Variants in FAM120A observed in about 807,000 individuals in gnomAD.
FAM120A encodes the protein family with sequence similarity 120 member A.
A neutral mutation model predicts 109.7 loss-of-function variants in FAM120A; 15 were observed. The ratio of observed to expected loss-of-function variants is 0.14; its 90% CI spans 0.09 to 0.21. FAM120A has a LOEUF of 0.21. Among genes scored for constraint, FAM120A ranks in the 10% least tolerant of loss-of-function variants. FAM120A has a pLI of 1.00. For synonymous variants in FAM120A, 493 were observed against 572.8 expected (o/e 0.86, Z 1.99); for missense variants, 899 against 1,439.3 (o/e 0.62, Z 6.07).
intron 5 of FAM120A, among the ~76,000 whole-genome samples, chr9:93,503,455 T>C (rs1859893276): frequency 6.6e-6 from 1 of 152,054 alleles, no homozygotes; most frequent in Admixed American, 6.5e-5. Context: ...TAAGTACATA[T>C]CACTAAGTGA....
At chr9:93,542,357 T>C (rs935010468) in intron 10 of FAM120A, among the ~76,000 whole-genome samples, 4 of 152,226 alleles carry the variant, frequency 2.6e-5, no homozygotes, top group Non-Finnish European at 4.4e-5. Flanking sequence ...GTGCAGTTGA[T>C]GAGATTTTAA....
At chr9:93,462,843 T>G (rs1420416445) in intron 1 of FAM120A, among the ~76,000 whole-genome samples, 3 of 152,218 alleles carry the variant, frequency 2.0e-5, no homozygotes, top group Admixed American at 2.0e-4. Flanking sequence ...TCAAGGTTCA[T>G]ACATGTTGTA....
intron 1 of FAM120A, 30 bp from the exon 2 acceptor site, chr9:93,471,111 A>G (rs1858291665): frequency 6.2e-7 from 1 of 1,612,820 alleles, no homozygotes; most frequent in African/African-American, 1.3e-5. Context: ...GTTACCCTAC[A>G]TCTGATGAAG....
chr9:93,481,111 T>C (rs1858785023), intron 3 of FAM120A, among the ~76,000 whole-genome samples: 1 of 152,246 alleles, frequency 6.6e-6, no homozygotes, highest in African/African-American at 2.4e-5. Flanking sequence ...TTAGTGAGCC[T>C]GTGGGTGCCC....
At position 93,558,674 on chromosome 9, in the gene FAM120A, C is replaced by G. The variant is rs575245681; in HGVS notation, c.2762C>G (p.Ala921Gly). The G allele has an allele frequency of 1.1e-5, 17 of 1,614,026 alleles. No homozygotes were observed. Among genetic ancestry groups the G allele is most frequent in the Admixed American group, 1.7e-5 (1 of 60,014 alleles). ...RVAAASGHCG[A>G]FSGSDSSRTS... ...GCGGCAGCATCGGGACACTGCGGAG[C>G]CTTCTCAGGCAGTGACAGCAGCAGG... Residue 921 changes from alanine (A) to glycine (G), a missense_variant, in exon 15 of 18, where the codon GCC becomes GGC. Transcript: ENST00000277165.
At chr9:93,544,217 A>G (rs1372673149) in intron 11 of FAM120A, among the ~76,000 whole-genome samples, 2 of 152,188 alleles carry the variant, frequency 1.3e-5, no homozygotes, top group Non-Finnish European at 2.9e-5. Context: ...CGTGTGACAC[A>G]CACCATCCTC....
At chr9:93,486,167 G>A (rs1238697953) in intron 3 of FAM120A, among the ~76,000 whole-genome samples, 1 of 151,744 alleles carries the variant, frequency 6.6e-6, no homozygotes, top group Non-Finnish European at 1.5e-5. Flanking sequence ...TAGAGACAGG[G>A]TTTCACCATG....
intron 13 of FAM120A, among the ~76,000 whole-genome samples, chr9:93,557,231 G>T (rs1862316932): frequency 6.7e-6 from 1 of 148,566 alleles, no homozygotes; most frequent in Non-Finnish European, 1.5e-5. Context: ...CCAGGTTCAA[G>T]TGATTCTCCT....
rs913636758 is a variant in FAM120A at position 93,453,684 on chromosome 9, C to G, written c.474+1295C>G. On this transcript the variant is annotated intron_variant, in intron 1 of 17. Transcript: ENST00000277165. ...GGCAGAGTCCCGATTGGCCCCTGCGCCTGGCAGACACACAGCTGCCATTCC... is the reference window on the plus strand; with the variant it reads ...GGCAGAGTCCCGATTGGCCCCTGCGGCTGGCAGACACACAGCTGCCATTCC... The G allele has an allele frequency of 5.3e-6, 5 of 946,608 alleles. No homozygotes were observed. In the South Asian group the frequency reaches 2.4e-4, roughly 46 times the overall value. 58.6% of individuals were successfully genotyped at this position (946,608 alleles called of 1,614,324 possible).
rs1288841075 is a variant in FAM120A at position 93,532,366 on chromosome 9, G to A, written c.1909+37G>A. 6.2e-6 allele frequency: 10 copies of A among 1,604,122 alleles called. 1 individual carries two copies. In the Admixed American group the frequency reaches 1.5e-4, roughly 24 times the overall value. On this transcript the variant is annotated intron_variant, in intron 10 of 17. Transcript: ENST00000277165. This position sits in a 1 kb window ranked among gnomAD's most constrained non-coding sequence, Gnocchi z 4.3. ...AACAATCCATTGTTTGTTTTCCTCGGTACCTCGTAATCTCTTGTGCATTTT... is the reference window on the plus strand; with the variant it reads ...AACAATCCATTGTTTGTTTTCCTCGATACCTCGTAATCTCTTGTGCATTTT...
intron 9 of FAM120A, chr9:93,530,019 T>C (rs1479530678): frequency 3.4e-6 from 1 of 297,916 alleles, no homozygotes; most frequent in Admixed American, 4.8e-5. Context: ...TAGTGCTTCA[T>C]GTGTTTTGAC....
At chr9:93,470,919 A>G (rs1187984017) in intron 1 of FAM120A, among the ~76,000 whole-genome samples, 1 of 152,234 alleles carries the variant, frequency 6.6e-6, no homozygotes, top group Non-Finnish European at 1.5e-5. Flanking sequence ...AGATGGGATC[A>G]TAAGTTACTG....
chr9:93,457,482 A>G (rs751189896), intron 1 of FAM120A, among the ~76,000 whole-genome samples: 1 of 152,096 alleles, frequency 6.6e-6, no homozygotes, highest in Non-Finnish European at 1.5e-5. Flanking sequence ...CTATACTTAG[A>G]GCTCTAAGTC....
rs567670613 is a variant in FAM120A at position 93,541,769 on chromosome 9, T to C, written c.1910-1453T>C. 1.2e-4 allele frequency among the ~76,000 whole-genome samples: 19 copies of C among 152,244 alleles called. No homozygotes were observed. In the East Asian group the frequency reaches 3.7e-3, roughly 29 times the overall value. ...TCACGTAAGGGGACACTATCTGGAG[T>C]TGGCTCCAGAAGGGCTTGTCACAGA... On this transcript the variant is annotated intron_variant, in intron 10 of 17. Coordinates refer to ENST00000277165, the MANE Select transcript of FAM120A (RefSeq NM_014612.5).
rs779549946 is a variant in FAM120A, at chr9:93,452,746, C to G, written c.474+357C>G. On this transcript the variant is annotated intron_variant, in intron 1 of 17. Coordinates refer to ENST00000277165, the MANE Select transcript of FAM120A (RefSeq NM_014612.5). The surrounding 1 kb of genome is among the most constrained non-coding windows in gnomAD (Gnocchi z 7.0). ...CGGGCAGGCTATCACTCACCTTCAA[C>G]TTTGACAAAATACTCCCTTTTCTAA... The G allele has an allele frequency of 1.9e-6, 3 of 1,597,270 alleles. No individual in the cohort carries two copies.
intron 3 of FAM120A, among the ~76,000 whole-genome samples, chr9:93,479,035 C>A (rs1047355758): frequency 9.2e-5 from 13 of 140,706 alleles, no homozygotes; most frequent in Admixed American, 1.4e-4. Context: ...CTGAAATATT[C>A]TTTGTGTTTT....
intron 3 of FAM120A, among the ~76,000 whole-genome samples, chr9:93,477,083 G>A (rs2131279309): frequency 6.6e-6 from 1 of 152,276 alleles, no homozygotes; most frequent in East Asian, 1.9e-4. Context: ...CCTAGACTTT[G>A]TATCTGCTTC....
At chr9:93,550,373 T>A (rs1239299001) in intron 11 of FAM120A, among the ~76,000 whole-genome samples, 1 of 152,262 alleles carries the variant, frequency 6.6e-6, no homozygotes, top group Non-Finnish European at 1.5e-5. Context: ...TTAATTATTC[T>A]AAAGTAAAAC....
chr9:93,510,090 C>G (rs1315443464), intron 5 of FAM120A, among the ~76,000 whole-genome samples: 2 of 152,204 alleles, frequency 1.3e-5, no homozygotes, highest in Non-Finnish European at 2.9e-5. Flanking sequence ...CAGAGCATTA[C>G]TCCCATTGAG....
Sources: allele counts gnomAD v4.1 joint callset (sites outside exome capture counted in the v4.1 genomes callset), GRCh38; gene constraint gnomAD v4.1.1; non-coding constraint Gnocchi (gnomAD v3.1); transcripts MANE v1.5; gene names NCBI Gene and HGNC (gene_info 2026-07-23, HGNC 2026-07-21).